The following SUMF1 variants were observed in gnomAD, a reference collection of about 807,000 sequenced individuals.
The protein encoded by SUMF1 is formylglycine-generating enzyme.
Under a neutral mutation model 47.6 loss-of-function variants are expected in SUMF1, and 48 were observed. That is an observed-to-expected ratio of 1.01 (90% confidence interval 0.80 to 1.28). The LOEUF (loss-of-function observed/expected upper bound fraction) is 1.28. SUMF1 is among the 50% of genes most tolerant of loss of function. The pLI is 0.00. For synonymous variants in SUMF1, 230 were observed against 192.1 expected (o/e 1.20, Z -1.63); for missense variants, 571 against 485.4 (o/e 1.18, Z -1.66).
chr3:4,203,350 CT>C lies in SUMF1; in HGVS notation c.1015-134606del, dbSNP rs1166243078. Reference sequence around the variant, plus strand: ...TTATCATTAATGACTTTCTTTGTTTCTTTTTCTGTTTTTTGCCTTTAAATCC... The same window carrying C: ...TTATCATTAATGACTTTCTTTGTTTCTTTTCTGTTTTTTGCCTTTAAATCC... On this transcript the variant is annotated intron_variant and NMD_transcript_variant, in intron 8 of 12. Transcript: ENST00000448413. Among the ~76,000 whole-genome samples, 101 of 151,812 alleles carry C rather than the reference CT, an allele frequency of 6.7e-4. No individual in the cohort carries two copies. The South Asian group carries it at 0.02, about 30-fold the overall frequency.
In SUMF1 at chr3:4,170,438, C is replaced by T. The variant is rs73809339; in HGVS notation, c.1015-101693G>A. Among the ~76,000 whole-genome samples the T allele has an allele frequency of 4.2e-3, 638 of 152,270 alleles. 5 individuals carry two copies. Among genetic ancestry groups the T allele is most frequent in the African/African-American group, 0.015 (605 of 41,540 alleles). ...AATGGCCACACTTTGAGAACTGCCG[C>T]TTTAAGTTTATGCTGACCAATGCAC... On this transcript the variant is annotated intron_variant and NMD_transcript_variant, in intron 8 of 12. Transcript: ENST00000448413.
chr3:4,339,857 G>A (rs1699232891), intron 8 of SUMF1, among the ~76,000 whole-genome samples: 1 of 152,070 alleles, frequency 6.6e-6, no homozygotes, highest in South Asian at 2.1e-4. Context: ...CAGGCAGATT[G>A]CTTCAGCCCA....
intron 8 of SUMF1, among the ~76,000 whole-genome samples, chr3:4,091,609 G>T (rs533273472): frequency 2.0e-4 from 31 of 151,988 alleles, no homozygotes; most frequent in Non-Finnish European, 4.3e-4. Flanking sequence ...CCTCGAATAG[G>T]ATAACAGCCC....
chr3:4,329,916 C>T (rs1559228303), intron 8 of SUMF1, among the ~76,000 whole-genome samples: 2 of 152,132 alleles, frequency 1.3e-5, no homozygotes, highest in African/African-American at 4.8e-5. Flanking sequence ...ACCTCTTGAA[C>T]ACTTTGTATT....
chr3:4,103,171 C>T (rs1041917371), intron 8 of SUMF1, among the ~76,000 whole-genome samples: 2 of 151,612 alleles, frequency 1.3e-5, no homozygotes, highest in Admixed American at 6.6e-5. Context: ...GATCCACCTG[C>T]CTCGGCCTCC....
intron 8 of SUMF1, among the ~76,000 whole-genome samples, chr3:4,105,661 T>C (rs1207002494): frequency 6.6e-6 from 1 of 152,122 alleles, no homozygotes; most frequent in African/African-American, 2.4e-5. Context: ...AATATCTGTC[T>C]CTTCATTTGA....
chr3:4,386,749 A>G (rs1311770132), intron 7 of SUMF1, among the ~76,000 whole-genome samples: 1 of 152,094 alleles, frequency 6.6e-6, no homozygotes, highest in African/African-American at 2.4e-5. Flanking sequence ...TTCTTTGTAG[A>G]TGCTCTTTAC....
At chr3:4,234,148 G>T (rs1309933238) in intron 8 of SUMF1, among the ~76,000 whole-genome samples, 1 of 151,990 alleles carries the variant, frequency 6.6e-6, no homozygotes, top group Non-Finnish European at 1.5e-5. Context: ...AAAAGAACTG[G>T]GATCTGGTCC....
intron 8 of SUMF1, among the ~76,000 whole-genome samples, chr3:4,146,257 C>T (rs1227606220): frequency 6.6e-6 from 1 of 151,914 alleles, no homozygotes. Flanking sequence ...ATGATTAAAA[C>T]GTGCAGAAAT....
chr3:4,292,293 G>T (rs762229754), intron 8 of SUMF1, among the ~76,000 whole-genome samples: 9 of 152,174 alleles, frequency 5.9e-5, no homozygotes, highest in Non-Finnish European at 1.2e-4. Flanking sequence ...CGAATAGCAT[G>T]TCTTAAGTCA....
chr3:4,437,723 G>C (rs1420270601), intron 3 of SUMF1, among the ~76,000 whole-genome samples: 1 of 152,174 alleles, frequency 6.6e-6, no homozygotes, highest in Non-Finnish European at 1.5e-5. Context: ...GGGATCACTT[G>C]AGTTCAGGAG....
chr3:4,108,645 T>C (rs1164922047), intron 8 of SUMF1, among the ~76,000 whole-genome samples: 1 of 152,126 alleles, frequency 6.6e-6, no homozygotes, highest in Non-Finnish European at 1.5e-5. Context: ...AGTTAGCTCT[T>C]CTTGTTGAAT....
chr3:4,393,406 C>T (rs1700939751), intron 7 of SUMF1, among the ~76,000 whole-genome samples: 2 of 152,272 alleles, frequency 1.3e-5, no homozygotes, highest in South Asian at 2.1e-4. Flanking sequence ...AATCATAGCT[C>T]ACCATAGCCT....
At chr3:4,191,086 C>T (rs147733109) in intron 8 of SUMF1, among the ~76,000 whole-genome samples, 10 of 152,262 alleles carry the variant, frequency 6.6e-5, no homozygotes, top group African/African-American at 2.2e-4. Flanking sequence ...GAGGAGATGA[C>T]ATCTTAACCA....
At chr3:4,047,660 G>A (rs1333371425) in intron 9 of SUMF1, among the ~76,000 whole-genome samples, 1 of 152,032 alleles carries the variant, frequency 6.6e-6, no homozygotes, top group Non-Finnish European at 1.5e-5. Context: ...ACCTCATTAG[G>A]TACTAAATGT....
In SUMF1 at chr3:4,216,814, C is replaced by A. The variant is rs886650882; in HGVS notation, c.1015-148069G>T. ...AAACGCAAATCAAAACCACAATGAG[C>A]TATCATCTCATGCCAGTTAGAATGG... On this transcript the variant is annotated intron_variant and NMD_transcript_variant, in intron 8 of 12. Transcript: ENST00000448413. Among the ~76,000 whole-genome samples the A allele has an allele frequency of 2.1e-4, 32 of 152,136 alleles. 1 individual carries two copies. The highest frequency in any genetic ancestry group is 2.1e-4 in the South Asian group (1 of 4,818).
At chr3:4,120,869 G>A (rs1055357738) in intron 8 of SUMF1, among the ~76,000 whole-genome samples, 43 of 152,138 alleles carry the variant, frequency 2.8e-4, no homozygotes, top group African/African-American at 1.0e-3. Context: ...TATGACCATG[G>A]CAAACTGCCA....
rs572429887 is a variant in SUMF1, at chr3:4,220,149, G to T, written c.1015-151404C>A. 8.1e-4 allele frequency among the ~76,000 whole-genome samples: 123 copies of T among 152,054 alleles called. 1 individual carries two copies. The highest frequency in any genetic ancestry group is 3.4e-3 in the Middle Eastern group (1 of 294). On this transcript the variant is annotated intron_variant and NMD_transcript_variant, in intron 8 of 12. Coordinates refer to the SUMF1 transcript ENST00000448413. ...TCTACAAAAATTTCACTTCACCCAG[G>T]CTCCATTAGACATTAGTAAGAGGCC...
chr3:4,157,545 G>A (rs1259935645), intron 8 of SUMF1, among the ~76,000 whole-genome samples: 1 of 151,430 alleles, frequency 6.6e-6, no homozygotes, highest in African/African-American at 2.4e-5. Context: ...CACTTTCTCA[G>A]AATCACATAT....
Sources: gnomAD v4.1 joint callset for allele counts (sites outside exome capture counted in the v4.1 genomes callset) on GRCh38, gnomAD v4.1.1 for gene constraint, MANE v1.5 for transcripts, NCBI Gene and HGNC (gene_info 2026-07-23, HGNC 2026-07-21) for gene names.